The following AGAP1 variants were observed in gnomAD, a reference collection of about 807,000 sequenced individuals.
AGAP1 encodes the protein ArfGAP with GTPase domain, ankyrin repeat and PH domain 1.
Under a neutral mutation model 105.3 loss-of-function variants are expected in AGAP1, and 29 were observed. The ratio of observed to expected loss-of-function variants is 0.28; its 90% CI spans 0.21 to 0.38. The LOEUF is 0.38. Among genes scored for constraint, AGAP1 ranks in the 10% least tolerant of loss-of-function variants. AGAP1 has a pLI of 1.00. For missense variants in AGAP1, 998 were observed against 1,165.1 expected, an observed-to-expected ratio of 0.86 and a Z score of 2.09; for synonymous variants, 509 against 485.9, an observed-to-expected ratio of 1.05 and a Z score of -0.63.
chr2:235,539,656 G>A (rs566840050), intron 1 of AGAP1, among the ~76,000 whole-genome samples: 1 of 152,284 alleles, frequency 6.6e-6, no homozygotes, highest in Non-Finnish European at 1.5e-5. Context: ...GAGCTGTGGG[G>A]TAGAGGTAGC....
intron 11 of AGAP1, among the ~76,000 whole-genome samples, chr2:235,915,219 C>T (rs1008582745): frequency 6.6e-6 from 1 of 152,078 alleles, no homozygotes; most frequent in African/African-American, 2.4e-5. Context: ...TAATGGACAA[C>T]GAAGGTGTTT....
intron 1 of AGAP1, among the ~76,000 whole-genome samples, chr2:235,526,429 T>C (rs1942841585): frequency 6.6e-6 from 1 of 152,230 alleles, no homozygotes; most frequent in African/African-American, 2.4e-5. Flanking sequence ...TCTCTTCCGA[T>C]GACTTCCCTT....
At chr2:235,858,390 T>C (rs913122165) in intron 9 of AGAP1, among the ~76,000 whole-genome samples, 3 of 8,216 alleles carry the variant, frequency 3.7e-4, no homozygotes, top group East Asian at 3.0e-3. Context: ...ATTAAAAACA[T>C]TTTTACTTAT....
Position 235,728,180 on chromosome 2 carries a change from G to A in AGAP1, c.310+10536G>A, listed in dbSNP as rs948171349. ...GAAACTCCCAACGGCAAATTAGGTC[G>A]AGTGCCAGAAAGAATTACATCAGGA... On this transcript the variant is annotated intron_variant, in intron 3 of 17. Transcript: ENST00000304032. This position sits in a 1 kb window ranked among gnomAD's most constrained non-coding sequence, Gnocchi z 4.3. Among the ~76,000 whole-genome samples the A allele has an allele frequency of 5.3e-5, 8 of 152,102 alleles. No homozygotes were observed. The highest frequency in any genetic ancestry group is 1.9e-4 in the East Asian group (1 of 5,160).
intron 13 of AGAP1, among the ~76,000 whole-genome samples, chr2:235,999,322 G>GGTC: frequency 6.7e-6 from 1 of 150,150 alleles, no homozygotes; most frequent in Middle Eastern, 3.5e-3. Flanking sequence ...TGGTGGTGGT[G>GGTC]GTGGTGGTGA....
chr2:235,947,394 T>C (rs1330153013), intron 12 of AGAP1, among the ~76,000 whole-genome samples: 2 of 152,234 alleles, frequency 1.3e-5, no homozygotes, highest in Admixed American at 1.3e-4. Context: ...TTGCTGTAAA[T>C]GCCATTATTT....
At chr2:235,870,656 A>G (rs1427660039) in intron 9 of AGAP1, among the ~76,000 whole-genome samples, 3 of 152,020 alleles carry the variant, frequency 2.0e-5, no homozygotes, top group African/African-American at 4.8e-5. Flanking sequence ...GAGAGGGACA[A>G]GAGACATGGA....
rs377064246 is a variant in AGAP1, at chr2:235,793,546, C to T, written c.674-4213C>T. 7.5e-4 allele frequency among the ~76,000 whole-genome samples: 114 copies of T among 152,252 alleles called. 1 individual carries two copies. Among genetic ancestry groups the T allele is most frequent in the African/African-American group, 2.6e-3 (107 of 41,556 alleles). ...AGAGCCGTCGGATTGCTCTGGTGCA[C>T]TTGCTGCCTGGTTTTTCTCACCTGC... On this transcript the variant is annotated intron_variant, in intron 6 of 17. Transcript: ENST00000304032. The surrounding 1 kb of genome is among the most constrained non-coding windows in gnomAD (Gnocchi z 5.3).
intron 4 of AGAP1, among the ~76,000 whole-genome samples, chr2:235,743,619 T>C (rs901880927): frequency 1.3e-5 from 2 of 152,192 alleles, no homozygotes; most frequent in Admixed American, 6.5e-5. Context: ...AGTTTTACCA[T>C]GTACATGTTT....
Position 235,586,748 on chromosome 2 carries a change from G to T in AGAP1, c.163+91899G>T, listed in dbSNP as rs1166562512. Among the ~76,000 whole-genome samples the T allele has an allele frequency of 6.6e-6, 1 of 152,228 alleles. No individual in the cohort carries two copies. Among genetic ancestry groups the T allele is most frequent in the Non-Finnish European group, 1.5e-5 (1 of 68,042 alleles). On this transcript the variant is annotated intron_variant, in intron 1 of 17. Transcript: ENST00000304032. The surrounding 1 kb of genome is among the most constrained non-coding windows in gnomAD (Gnocchi z 4.2). The stretch of plus-strand genomic sequence containing the variant: ...GACCACTAAGAGATGTGACAAAGCT[G>T]TTCCATCAGAGGAAACATAGTCTGG...
In AGAP1 at chr2:236,087,516, G is replaced by A. The variant is rs2058963669; in HGVS notation, c.2115-32676G>A. Among the ~76,000 whole-genome samples, 3 of 152,262 alleles carry A rather than the reference G, an allele frequency of 2.0e-5. No homozygotes were observed. Among genetic ancestry groups the A allele is most frequent in the African/African-American group, 7.2e-5 (3 of 41,558 alleles). On this transcript the variant is annotated intron_variant, in intron 16 of 17. Transcript: ENST00000304032. The surrounding 1 kb of genome is among the most constrained non-coding windows in gnomAD (Gnocchi z 5.7). ...CAGTCCCGGCTGAAATGGCAAATGC[G>A]GTGTAGGACTGTGGTGCACACTGCC...
intron 6 of AGAP1, among the ~76,000 whole-genome samples, chr2:235,755,972 A>T (rs975953375): frequency 6.6e-6 from 1 of 152,224 alleles, no homozygotes; most frequent in African/African-American, 2.4e-5. Flanking sequence ...TCCTCCCTTC[A>T]GAAGGCCAAG....
chr2:235,947,688 A>G (rs1432707358), intron 12 of AGAP1, among the ~76,000 whole-genome samples: 2 of 152,186 alleles, frequency 1.3e-5, no homozygotes, highest in African/African-American at 2.4e-5. Context: ...GTTTGCCTCT[A>G]TTCTCAAAGC....
rs2053735168 is a variant in AGAP1 at position 235,951,411 on chromosome 2, G to A, written c.1484-17051G>A. Among the ~76,000 whole-genome samples the A allele has an allele frequency of 6.6e-6, 1 of 152,198 alleles. No homozygotes were observed. ...CAGTCATCGTGAGACAGAGTAGCAT[G>A]GAACTGAAAAATGTGTAGCAGGTTT... On this transcript the variant is annotated intron_variant, in intron 12 of 17. Transcript: ENST00000304032. The surrounding 1 kb of genome is among the most constrained non-coding windows in gnomAD (Gnocchi z 4.2).
Position 235,642,873 on chromosome 2 carries a change from C to T in AGAP1, c.164-66306C>T, listed in dbSNP as rs1466610440. Among the ~76,000 whole-genome samples the T allele has an allele frequency of 2.0e-5, 3 of 152,184 alleles. No homozygotes were observed. Among genetic ancestry groups the T allele is most frequent in the Admixed American group, 2.0e-4 (3 of 15,286 alleles). On this transcript the variant is annotated intron_variant, in intron 1 of 17. Coordinates refer to ENST00000304032, the MANE Select transcript of AGAP1 (RefSeq NM_001037131.3). The surrounding 1 kb of genome is among the most constrained non-coding windows in gnomAD (Gnocchi z 4.1). ...GGTTGCTGAGTCTTGGCAGATTTCT[C>T]GTGGCCTAGACTGTGGTGTTTGGGG...
Position 236,045,756 on chromosome 2 carries a change from T to C in AGAP1, c.1892-3303T>C, listed in dbSNP as rs1474072558. Among the ~76,000 whole-genome samples, 1 of 152,208 alleles carries C rather than the reference T, an allele frequency of 6.6e-6. No individual in the cohort carries two copies. Among genetic ancestry groups the C allele is most frequent in the African/African-American group, 2.4e-5 (1 of 41,454 alleles). ...AGTGTCCCAGTTGGGCCTTAAGGCA[T>C]CTTTCAAGGAAATTGCAGTGGTGAT... is the stretch of plus-strand genomic sequence containing the variant. On this transcript the variant is annotated intron_variant, in intron 15 of 17. Coordinates refer to ENST00000304032, the MANE Select transcript of AGAP1 (RefSeq NM_001037131.3). This position sits in a 1 kb window ranked among gnomAD's most constrained non-coding sequence, Gnocchi z 6.9.
chr2:235,856,615 C>T (rs1185182355), intron 9 of AGAP1, among the ~76,000 whole-genome samples: 2 of 152,262 alleles, frequency 1.3e-5, no homozygotes, highest in Non-Finnish European at 2.9e-5. Flanking sequence ...CAGTACTGAA[C>T]CAGTTCCTGT....
intron 13 of AGAP1, among the ~76,000 whole-genome samples, chr2:236,006,364 C>T (rs1208744365): frequency 6.6e-6 from 1 of 152,150 alleles, no homozygotes; most frequent in Non-Finnish European, 1.5e-5. Context: ...TATTAGAAAC[C>T]AGTGTCTTGG....
At chr2:235,780,902 GA>G (rs1168812900) in intron 6 of AGAP1, among the ~76,000 whole-genome samples, 1 of 151,894 alleles carries the variant, frequency 6.6e-6, no homozygotes, top group Admixed American at 6.6e-5. Context: ...ATAAGTGTGG[GA>G]AAAAAAATTA....
Sources: gnomAD v4.1 joint callset for allele counts (sites outside exome capture counted in the v4.1 genomes callset) on GRCh38, gnomAD v4.1.1 for gene constraint, Gnocchi (gnomAD v3.1) non-coding constraint, MANE v1.5 for transcripts, NCBI Gene and HGNC (gene_info 2026-07-23, HGNC 2026-07-21) for gene names.